The following KDM5A variants were observed in gnomAD, a reference collection of about 807,000 sequenced individuals.
KDM5A encodes the protein lysine demethylase 5A.
In KDM5A, 42 loss-of-function variants were observed where a neutral mutation model predicts 193.5. That is an observed-to-expected ratio of 0.22 (90% CI 0.17 to 0.28). The LOEUF (loss-of-function observed/expected upper bound fraction) is 0.28, where lower values mean the gene tolerates loss of function less well. KDM5A is among the 10% of genes least tolerant of loss of function. The pLI is 1.00. For synonymous variants in KDM5A, 796 were observed against 718.1 expected (o/e 1.11, Z -1.73); for missense variants, 1,692 against 2,055.1 (o/e 0.82, Z 3.42).
chr12:360,641 C>T (rs1308282068), intron 5 of KDM5A, among the ~76,000 whole-genome samples: 1 of 152,172 alleles, frequency 6.6e-6, no homozygotes, highest in Non-Finnish European at 1.5e-5. Flanking sequence ...AATAAAATTA[C>T]TTAGCTCAAA....
intron 24 of KDM5A, among the ~76,000 whole-genome samples, chr12:298,126 G>T (rs1017445188): frequency 2.6e-5 from 4 of 152,228 alleles, no homozygotes; most frequent in Non-Finnish European, 5.9e-5. Flanking sequence ...AGCTTCAGCA[G>T]ACTTAAATGT....
At position 388,970 on chromosome 12, in the gene KDM5A, G is replaced by T. The variant is rs756471472; in HGVS notation, c.122C>A (p.Pro41His). 1 of 1,614,228 alleles carries T rather than the reference G, an allele frequency of 6.2e-7. No homozygotes were observed. The highest frequency in any genetic ancestry group is 8.5e-7 in the Non-Finnish European group (1 of 1,180,048). The change falls in exon 1 of 28, where the codon CCT becomes CAT. Residue 41 changes from proline (P) to histidine (H), a missense_variant. By Grantham distance (77) the Pro-to-His change is moderately conservative. Coordinates refer to ENST00000399788, the MANE Select transcript of KDM5A (RefSeq NM_001042603.3). ...DPLSFIGRIR[P>H]LAEKTGICKI... ...GCAGATGCCGGTTTTCTCCGCCAAA[G>T]GCCGGATGCGGCCGATAAAGCTGAG... is the stretch of plus-strand genomic sequence containing the variant.
chr12:338,366 G>A (rs1943959839), intron 10 of KDM5A, among the ~76,000 whole-genome samples: 1 of 152,170 alleles, frequency 6.6e-6, no homozygotes, highest in African/African-American at 2.4e-5. Context: ...TCGGCACTGA[G>A]TATCTAATGA....
At chr12:356,754 A>T (rs1312991615) in intron 5 of KDM5A, among the ~76,000 whole-genome samples, 1 of 152,228 alleles carries the variant, frequency 6.6e-6, no homozygotes, top group African/African-American at 2.4e-5. Context: ...AAACTCGTGT[A>T]TGACTCATAA....
chr12:323,136 T>A lies in KDM5A; in HGVS notation c.2221A>T (p.Thr741Ser), dbSNP rs771395703. 2 of 1,599,328 alleles carry A rather than the reference T, an allele frequency of 1.3e-6. No homozygotes were observed. The highest frequency in any genetic ancestry group is 4.5e-5 in the East Asian group (2 of 44,150). The change falls in exon 16 of 28, where the codon ACT (threonine) becomes TCT (serine). Residue 741 changes from threonine to serine, a missense_variant. By Grantham distance (58) the Thr-to-Ser change is moderately conservative (BLOSUM62 1). Transcript: ENST00000399788. ...GCTTCTGTAACACGACTGACCCAAG[T>A]GTCATAGGACTGTGCCCTGACTTTT... ...GVKVRAQSYD[T>S]WVSRVTEALS...
intron 25 of KDM5A, among the ~76,000 whole-genome samples, chr12:296,383 G>A (rs148474763): frequency 1.1e-4 from 17 of 151,210 alleles, no homozygotes; most frequent in African/African-American, 2.9e-4. Context: ...AGTCTTTATC[G>A]TGTGGCAAGG....
At chr12:289,822 A>AACACAC (rs1449931473) in intron 27 of KDM5A, among the ~76,000 whole-genome samples, 1 of 151,948 alleles carries the variant, frequency 6.6e-6, no homozygotes, top group Non-Finnish European at 1.5e-5. Flanking sequence ...TTCACCTAAA[A>AACACAC]ACAAGTGAAC....
At chr12:294,667 G>A (rs894131790) in intron 26 of KDM5A, among the ~76,000 whole-genome samples, 5 of 152,122 alleles carry the variant, frequency 3.3e-5, no homozygotes, top group Non-Finnish European at 5.9e-5. Context: ...TTGGTGACAT[G>A]GCACCATTCC....
Position 387,008 on chromosome 12 carries a change from G to A in KDM5A, c.166-1034C>T, listed in dbSNP as rs537477281. On this transcript the variant is annotated intron_variant, in intron 1 of 27. Coordinates refer to ENST00000399788, the MANE Select transcript of KDM5A (RefSeq NM_001042603.3). ...ATTTAAACGATTTTTTTTATGTTAT[G>A]TGTAATGTGACAGAGCACTTTATGT... Among the ~76,000 whole-genome samples the A allele has an allele frequency of 1.3e-4, 20 of 152,040 alleles. 1 individual carries two copies. Among genetic ancestry groups the A allele is most frequent in the African/African-American group, 4.6e-4 (19 of 41,514 alleles).
At chr12:303,750 T>A (rs759483609) in intron 24 of KDM5A, among the ~76,000 whole-genome samples, 12 of 152,244 alleles carry the variant, frequency 7.9e-5, no homozygotes, top group Non-Finnish European at 1.3e-4. Context: ...TAAATTTAGA[T>A]GTGACAGCCT....
chr12:384,176 G>T (rs759985812), intron 2 of KDM5A, 23 bp from the exon 3 acceptor site: 1 of 1,549,096 alleles, frequency 6.5e-7, no homozygotes, highest in South Asian at 1.1e-5. Context: ...AAATACAGAA[G>T]AACTAAGTTA....
intron 3 of KDM5A, among the ~76,000 whole-genome samples, chr12:371,333 T>C (rs571125154): frequency 1.1e-3 from 162 of 152,344 alleles, no homozygotes; most frequent in African/African-American, 3.7e-3. Flanking sequence ...TGGTATCTCA[T>C]TGTGGTTTTG....
intron 4 of KDM5A, among the ~76,000 whole-genome samples, chr12:364,456 G>A (rs1214417486): frequency 2.0e-5 from 3 of 147,938 alleles, no homozygotes; most frequent in South Asian, 2.1e-4. Context: ...CAGCCTGGGC[G>A]ACACAGCAAG....
At chr12:336,010 T>C (rs1463178364) in intron 10 of KDM5A, among the ~76,000 whole-genome samples, 1 of 120,808 alleles carries the variant, frequency 8.3e-6, no homozygotes, top group African/African-American at 3.4e-5. Flanking sequence ...GGCATTGCAC[T>C]CCAGTCTGGG....
At chr12:368,832 T>C (rs969039373) in intron 3 of KDM5A, among the ~76,000 whole-genome samples, 2 of 152,172 alleles carry the variant, frequency 1.3e-5, no homozygotes, top group Non-Finnish European at 2.9e-5. Context: ...CAACGGTGCC[T>C]ACACCTCGTT....
chr12:356,395 A>G, intron 6 of KDM5A, 37 bp downstream of exon 6: 2 of 1,215,318 alleles, frequency 1.6e-6, no homozygotes, highest in Non-Finnish European at 2.4e-6. Context: ...ATCATATTCT[A>G]CCTTATCTCT....
chr12:306,460 AG>A (rs1304426445), intron 24 of KDM5A, among the ~76,000 whole-genome samples: 2 of 152,186 alleles, frequency 1.3e-5, no homozygotes, highest in Non-Finnish European at 2.9e-5. Context: ...AAATTGTTTC[AG>A]GCCTGGCGTG....
intron 3 of KDM5A, among the ~76,000 whole-genome samples, chr12:373,898 G>C (rs924211463): frequency 6.6e-6 from 1 of 152,214 alleles, no homozygotes; most frequent in Non-Finnish European, 1.5e-5. Flanking sequence ...TTTTGAGTGA[G>C]TTTGTTAATC....
At chr12:300,218 A>C (rs957396678) in intron 24 of KDM5A, among the ~76,000 whole-genome samples, 9 of 152,180 alleles carry the variant, frequency 5.9e-5, no homozygotes. Flanking sequence ...ACCCCAAATC[A>C]GCAGAATACA....
Sources: allele counts gnomAD v4.1 joint callset (sites outside exome capture counted in the v4.1 genomes callset), GRCh38; gene constraint gnomAD v4.1.1; transcripts MANE v1.5; gene names NCBI Gene and HGNC (gene_info 2026-07-23, HGNC 2026-07-21).